MOG: variants seen among roughly 807,000 people sequenced by gnomAD.
The protein encoded by MOG is myelin-oligodendrocyte glycoprotein.
A neutral mutation model predicts 35.9 loss-of-function variants in MOG; 20 were observed. The ratio of observed to expected loss-of-function variants is 0.56; its 90% confidence interval spans 0.39 to 0.81. The LOEUF (loss-of-function observed/expected upper bound fraction) is 0.81. Among genes scored for constraint, MOG ranks in the 30% least tolerant of loss-of-function variants. MOG has a pLI of 0.00. For missense variants in MOG, 251 were observed against 301.0 expected (o/e 0.83, Z 1.23); for synonymous variants, 92 against 114.3 (o/e 0.80, Z 1.25).
chr6:29,660,036 A>G, intron 2 of MOG: 1 of 320,570 alleles, frequency 3.1e-6, no homozygotes, highest in Non-Finnish European at 5.9e-6. Flanking sequence ...TACAAAAACA[A>G]AAACAAAACC....
intron 1 of MOG, 118 bp from the exon 2 acceptor site, chr6:29,659,201 T>C: frequency 3.5e-6 from 3 of 845,524 alleles, no homozygotes; most frequent in Non-Finnish European, 4.0e-6. Context: ...CTCTAGAATG[T>C]CATTTAAAAG....
At position 29,670,861 on chromosome 6, in the gene MOG, G is replaced by A; in HGVS notation, c.730+140G>A. On this transcript the variant is annotated intron_variant, in intron 7 of 7. Coordinates refer to ENST00000376917, the MANE Select transcript of MOG (RefSeq NM_206809.4). The surrounding 1 kb of genome is among the most constrained non-coding windows in gnomAD (Gnocchi z 4.2). ...AGCTGGAGAGCCTGGGTGGAGGGAA[G>A]ACTCCTCCTGGGAGGTAGAGGGCAA... The A allele has an allele frequency of 6.3e-7, 1 of 1,581,356 alleles. No homozygotes were observed. The highest frequency in any genetic ancestry group is 2.3e-5 in the East Asian group (1 of 43,812).
In MOG at chr6:29,669,542, T is replaced by C. The variant is rs536481890; in HGVS notation, c.593-739T>C. Among the ~76,000 whole-genome samples the C allele has an allele frequency of 2.2e-3, 338 of 152,044 alleles. 8 individuals carry two copies. The highest frequency in any genetic ancestry group is 0.014 in the Middle Eastern group (4 of 292). ...CTGACCTCAGGTGATCTGCCTGCCT[T>C]GGCCTTCCAAAGTGCTGGGATTACA... On this transcript the variant is annotated intron_variant, in intron 5 of 7. Transcript: ENST00000376917.
chr6:29,660,120 C>A (rs190715239), intron 2 of MOG, among the ~76,000 whole-genome samples: 1 of 149,650 alleles, frequency 6.7e-6, no homozygotes, highest in Admixed American at 6.7e-5. Flanking sequence ...CAGGGGTTTG[C>A]AGTTACAGTG....
Sources: gnomAD v4.1 joint callset for allele counts (sites outside exome capture counted in the v4.1 genomes callset) on GRCh38, gnomAD v4.1.1 for gene constraint, Gnocchi (gnomAD v3.1) non-coding constraint, MANE v1.5 for transcripts, NCBI Gene and HGNC (gene_info 2026-07-23, HGNC 2026-07-21) for gene names.